THSD7A: variants seen among roughly 807,000 people sequenced by gnomAD.
The protein encoded by THSD7A is thrombospondin type 1 domain containing 7A, also known as thrombospondin type-1 domain-containing protein 7A.
THSD7A carries 96 observed loss-of-function variants against 231.3 expected under a neutral mutation model. The observed-to-expected ratio is 0.41, with a 90% CI of 0.35 to 0.49. The LOEUF (loss-of-function observed/expected upper bound fraction) is 0.49. Among genes scored for constraint, THSD7A ranks in the 20% least tolerant of loss-of-function variants. THSD7A has a pLI of 0.05. For synonymous variants in THSD7A, 940 were observed against 743.3 expected (o/e 1.26, Z -4.30); for missense variants, 2,290 against 2,070.2 (o/e 1.11, Z -2.06).
Position 11,407,075 on chromosome 7 carries a change from A to G in THSD7A, c.3917-20T>C. ...TTTTTCCTTGAAGAGATACAAAGTG[A>G]TGCACCTTTAATATATGTTATGGTT... is the stretch of plus-strand genomic sequence containing the variant. On this transcript the variant is annotated intron_variant, in intron 20 of 27. Coordinates refer to ENST00000423059, the MANE Select transcript of THSD7A (RefSeq NM_015204.3). The G allele has an allele frequency of 1.2e-6, 2 of 1,612,756 alleles. No homozygotes were observed. The highest frequency in any genetic ancestry group is 2.2e-5 in the East Asian group (1 of 44,860).
At chr7:11,533,165 C>T (rs1788773934) in intron 6 of THSD7A, among the ~76,000 whole-genome samples, 1 of 152,154 alleles carries the variant, frequency 6.6e-6, no homozygotes, top group African/African-American at 2.4e-5. Context: ...ATTGATAAAA[C>T]TTTGCCAATT....
At chr7:11,593,643 A>ATGTTGATGTAT in intron 2 of THSD7A, 141 bp from the exon 3 acceptor site, 2 of 1,019,738 alleles carry the variant, frequency 2.0e-6, no homozygotes, top group Non-Finnish European at 2.9e-6. Context: ...ATACATCAAC[A>ATGTTGATGTAT]TTTATGATGT....
chr7:11,564,447 C>T (rs191722666), intron 4 of THSD7A, among the ~76,000 whole-genome samples: 4 of 152,312 alleles, frequency 2.6e-5, no homozygotes, highest in African/African-American at 9.6e-5. Context: ...TCCTGACTGC[C>T]CTTGCCTTCA....
chr7:11,468,388 TAA>T (rs879316312), intron 9 of THSD7A, among the ~76,000 whole-genome samples: 8 of 140,254 alleles, frequency 5.7e-5, no homozygotes, highest in African/African-American at 2.6e-5. Flanking sequence ...TTATTCAGCT[TAA>T]AAAAAAAAAA....
chr7:11,792,775 G>C (rs1783998218), intron 1 of THSD7A, among the ~76,000 whole-genome samples: 1 of 151,844 alleles, frequency 6.6e-6, no homozygotes, highest in South Asian at 2.1e-4. Flanking sequence ...TCTGTAAATA[G>C]TTTAGGCTTT....
At chr7:11,479,892 A>G (rs1214921791) in intron 7 of THSD7A, among the ~76,000 whole-genome samples, 3 of 152,318 alleles carry the variant, frequency 2.0e-5, no homozygotes, top group African/African-American at 4.8e-5. Flanking sequence ...AATGTATTAT[A>G]TATTTCAAAA....
intron 1 of THSD7A, among the ~76,000 whole-genome samples, chr7:11,697,877 C>T (rs773729012): frequency 1.3e-4 from 20 of 151,334 alleles, no homozygotes; most frequent in Non-Finnish European, 2.7e-4. Flanking sequence ...AAAACAATAC[C>T]AATTAAATAC....
intron 6 of THSD7A, among the ~76,000 whole-genome samples, chr7:11,495,964 C>G (rs1311181250): frequency 3.9e-5 from 6 of 151,996 alleles, no homozygotes; most frequent in African/African-American, 1.4e-4. Flanking sequence ...AATAGAGACC[C>G]AAATGGGAGA....
At chr7:11,463,170 C>A (rs1583788357) in intron 9 of THSD7A, among the ~76,000 whole-genome samples, 1 of 152,060 alleles carries the variant, frequency 6.6e-6, no homozygotes, top group Non-Finnish European at 1.5e-5. Flanking sequence ...TCAAATGAAA[C>A]CTTTTTAAAA....
At chr7:11,531,215 C>T (rs900230961) in intron 6 of THSD7A, among the ~76,000 whole-genome samples, 4 of 152,178 alleles carry the variant, frequency 2.6e-5, no homozygotes, top group African/African-American at 9.7e-5. Flanking sequence ...TCCACTGTTG[C>T]AACCCTTATC....
intron 1 of THSD7A, among the ~76,000 whole-genome samples, chr7:11,773,484 C>T (rs1402291007): frequency 2.0e-5 from 3 of 151,882 alleles, no homozygotes; most frequent in Non-Finnish European, 2.9e-5. Flanking sequence ...GAGCTGAAAT[C>T]GAGCCATTGC....
At chr7:11,630,816 G>T (rs1484246615) in intron 2 of THSD7A, among the ~76,000 whole-genome samples, 1 of 152,190 alleles carries the variant, frequency 6.6e-6, no homozygotes, top group Non-Finnish European at 1.5e-5. Context: ...TTTCATCCTT[G>T]TTCCTTGCTC....
intron 6 of THSD7A, among the ~76,000 whole-genome samples, chr7:11,515,180 T>G (rs2128314385): frequency 6.6e-6 from 1 of 152,320 alleles, no homozygotes; most frequent in Non-Finnish European, 1.5e-5. Context: ...CACTATGATT[T>G]TAGTTCCTGT....
chr7:11,469,537 T>A (rs1047517415), intron 9 of THSD7A, among the ~76,000 whole-genome samples: 12 of 152,174 alleles, frequency 7.9e-5, no homozygotes, highest in Non-Finnish European at 1.2e-4. Context: ...AAGCCATGTG[T>A]ACTGATAAAA....
chr7:11,607,973 C>G (rs930245693), intron 2 of THSD7A, among the ~76,000 whole-genome samples: 4 of 152,058 alleles, frequency 2.6e-5, no homozygotes, highest in Non-Finnish European at 5.9e-5. Flanking sequence ...ATGGGATAAA[C>G]TGCTACGGTA....
At chr7:11,553,229 T>C (rs958266702) in intron 4 of THSD7A, among the ~76,000 whole-genome samples, 2 of 152,144 alleles carry the variant, frequency 1.3e-5, no homozygotes, top group African/African-American at 4.8e-5. Context: ...TCCCTATGTA[T>C]ACATAAGCTT....
In THSD7A at chr7:11,790,673, T is replaced by C. The variant is rs75307776; in HGVS notation, c.190+41084A>G. Among the ~76,000 whole-genome samples the C allele has an allele frequency of 4.5e-3, 681 of 151,526 alleles. 3 individuals are homozygous for C. Among genetic ancestry groups the C allele is most frequent in the South Asian group, 7.3e-3 (35 of 4,824 alleles). ...ATGTGTTTAGCAGTCTAGAAAAGTT[T>C]TTTATGAAATGATTTTATTTGAGAA... is the stretch of plus-strand genomic sequence containing the variant. On this transcript the variant is annotated intron_variant, in intron 1 of 27. Transcript: ENST00000423059.
At chr7:11,777,266 AAGG>A (rs1194965564) in intron 1 of THSD7A, among the ~76,000 whole-genome samples, 1 of 152,160 alleles carries the variant, frequency 6.6e-6, no homozygotes, top group Non-Finnish European at 1.5e-5. Context: ...CTTTTTTCAC[AAGG>A]AGACCAAAAT....
intron 1 of THSD7A, among the ~76,000 whole-genome samples, chr7:11,666,397 A>G (rs1052374259): frequency 1.6e-4 from 24 of 149,688 alleles, no homozygotes; most frequent in African/African-American, 6.0e-4. Context: ...TCAGAAAGCA[A>G]AGGTGTTAGA....
Sources: gnomAD v4.1 joint callset for allele counts (sites outside exome capture counted in the v4.1 genomes callset) on GRCh38, gnomAD v4.1.1 for gene constraint, MANE v1.5 for transcripts, NCBI Gene and HGNC (gene_info 2026-07-23, HGNC 2026-07-21) for gene names.